PCTP: variants seen among roughly 807,000 people sequenced by gnomAD.
PCTP encodes the protein phosphatidylcholine transfer protein.
PCTP carries 27 observed loss-of-function variants against 31.0 expected under a neutral mutation model. The ratio of observed to expected loss-of-function variants is 0.87; its 90% CI spans 0.64 to 1.20. PCTP has a LOEUF of 1.20. Ranked by LOEUF, PCTP falls within the 50% of genes most tolerant of loss-of-function variation. The pLI is 0.00. For synonymous variants in PCTP, 108 were observed against 101.2 expected (o/e 1.07, Z -0.40); for missense variants, 287 against 268.2 (o/e 1.07, Z -0.49).
intron 5 of PCTP, among the ~76,000 whole-genome samples, chr17:55,831,529 C>T (rs567143740): frequency 1.3e-5 from 2 of 152,170 alleles, no homozygotes; most frequent in South Asian, 2.1e-4. Flanking sequence ...TTAGTATTTG[C>T]GAAAGGGTGT....
chr17:55,851,706 TA>T, the PCTP span, among the ~76,000 whole-genome samples: 2 of 152,216 alleles, frequency 1.3e-5, no homozygotes, highest in African/African-American at 2.4e-5. Flanking sequence ...GCAATGGATT[TA>T]TTTTTTTTCT....
At chr17:55,811,866 G>A (rs912012775) in intron 3 of PCTP, among the ~76,000 whole-genome samples, 6 of 152,142 alleles carry the variant, frequency 3.9e-5, no homozygotes, top group African/African-American at 1.4e-4. Context: ...GAGGAGCGTG[G>A]GATGCCTTCT....
At chr17:55,794,779 C>T (rs1912129522) in intron 3 of PCTP, among the ~76,000 whole-genome samples, 1 of 151,998 alleles carries the variant, frequency 6.6e-6, no homozygotes, top group Non-Finnish European at 1.5e-5. Context: ...AATTCCAGCT[C>T]CTGCCAAGAG....
At chr17:55,779,391 T>G (rs1911479292), downstream of PCTP, among the ~76,000 whole-genome samples, 1 of 152,180 alleles carries the variant, frequency 6.6e-6, no homozygotes, top group African/African-American at 2.4e-5. Flanking sequence ...GGATGAAGGT[T>G]GCAGAAGAAA....
chr17:55,846,438 A>G (rs909319941), downstream of PCTP, among the ~76,000 whole-genome samples: 6 of 152,152 alleles, frequency 3.9e-5, no homozygotes, highest in South Asian at 6.2e-4. Flanking sequence ...TGAAATTACA[A>G]GTAGAGGTGA....
chr17:55,781,112 C>T (rs538682446), downstream of PCTP, among the ~76,000 whole-genome samples: 1 of 152,278 alleles, frequency 6.6e-6, no homozygotes, highest in South Asian at 2.1e-4. Context: ...CAGCTCAAAT[C>T]CTCCTCATCT....
the PCTP span, among the ~76,000 whole-genome samples, chr17:55,850,608 C>CAA: frequency 6.6e-6 from 1 of 152,160 alleles, no homozygotes; most frequent in Non-Finnish European, 1.5e-5. Flanking sequence ...CAAAGATCTA[C>CAA]GAAGATCCAA....
chr17:55,808,147 C>T (rs986234241), intron 3 of PCTP, among the ~76,000 whole-genome samples: 6 of 152,128 alleles, frequency 3.9e-5, no homozygotes, highest in Admixed American at 6.5e-5. Flanking sequence ...AGTGATTTGT[C>T]AAAGGTCACA....
At chr17:55,779,152 T>A (rs1252031556), downstream of PCTP, among the ~76,000 whole-genome samples, 3 of 152,224 alleles carry the variant, frequency 2.0e-5, no homozygotes, top group Non-Finnish European at 2.9e-5. Context: ...CTTTAACAGA[T>A]ATTTCTCAAG....
intron 3 of PCTP, among the ~76,000 whole-genome samples, chr17:55,819,006 A>G (rs1265788506): frequency 1.7e-5 from 2 of 115,866 alleles, no homozygotes; most frequent in Non-Finnish European, 3.5e-5. Context: ...CTCTGGAAAG[A>G]AATCAAAAAA....
At chr17:55,818,338 C>T (rs11653340) in intron 3 of PCTP, among the ~76,000 whole-genome samples, 6,851 of 152,268 alleles carry the variant, frequency 0.045, 496 homozygotes, top group African/African-American at 0.15. Context: ...CCTAGCTCCT[C>T]CTGGCTATTC....
At chr17:55,838,160 A>C (rs1905837742) in intron 5 of PCTP, among the ~76,000 whole-genome samples, 1 of 151,760 alleles carries the variant, frequency 6.6e-6, no homozygotes, top group Non-Finnish European at 1.5e-5. Context: ...AGAACAAAAA[A>C]ATGCAAACTT....
intron 5 of PCTP, among the ~76,000 whole-genome samples, chr17:55,834,908 G>T (rs67995917): frequency 0.13 from 19,069 of 152,170 alleles, 1,360 homozygotes; most frequent in East Asian, 0.35. Context: ...AGGTACCTCA[G>T]AATGTGACCT....
At chr17:55,819,957 C>T (rs1030269857) in intron 3 of PCTP, among the ~76,000 whole-genome samples, 1 of 152,052 alleles carries the variant, frequency 6.6e-6, no homozygotes, top group Non-Finnish European at 1.5e-5. Flanking sequence ...ACTGAGACAA[C>T]CGGATATCCA....
At chr17:55,799,915 G>C (rs1027766986) in intron 3 of PCTP, among the ~76,000 whole-genome samples, 4 of 152,068 alleles carry the variant, frequency 2.6e-5, no homozygotes, top group African/African-American at 9.7e-5. Context: ...TTCTCTTCTG[G>C]CTTGTAGGGT....
intron 3 of PCTP, among the ~76,000 whole-genome samples, chr17:55,805,758 C>A (rs1428521634): frequency 1.3e-5 from 2 of 152,130 alleles, no homozygotes; most frequent in Non-Finnish European, 2.9e-5. Flanking sequence ...TGACTCTCTT[C>A]CCATTGCTGG....
Position 55,773,817 on chromosome 17 carries a change from G to T in PCTP, c.433G>T (p.Glu145Ter). The T allele has an allele frequency of 1.9e-6, 3 of 1,613,726 alleles. No homozygotes were observed. Among genetic ancestry groups the T allele is most frequent in the Non-Finnish European group, 2.5e-6 (3 of 1,179,924 alleles). ...GAGCACCTCCATGCCTCAGCTTGGC[G>T]AGAGGTCTGGGGTGATCCGGGTGAA... ...ARSTSMPQLG[E>*]RSGVIRVKQY... Residue 145 changes from glutamate (E) to a stop codon, truncating the protein, a stop_gained, in exon 4 of 6, where the codon GAG becomes TAG. Coordinates refer to ENST00000268896, the MANE Select transcript of PCTP (RefSeq NM_021213.4). LOFTEE classifies it high-confidence loss of function.
downstream of PCTP, among the ~76,000 whole-genome samples, chr17:55,845,727 C>G (rs1270021590): frequency 2.0e-5 from 3 of 152,224 alleles, no homozygotes; most frequent in South Asian, 6.2e-4. Context: ...CTGGGACCCC[C>G]GGGACCCCGG....
chr17:55,780,062 T>A (rs1042431223), downstream of PCTP, among the ~76,000 whole-genome samples: 12 of 151,676 alleles, frequency 7.9e-5, no homozygotes, highest in Admixed American at 6.6e-4. Flanking sequence ...TCCTTTTTTT[T>A]ATATTCATCC....
Sources: gnomAD v4.1 joint callset for allele counts (sites outside exome capture counted in the v4.1 genomes callset) on GRCh38, gnomAD v4.1.1 for gene constraint, MANE v1.5 for transcripts, NCBI Gene and HGNC (gene_info 2026-07-23, HGNC 2026-07-21) for gene names.